NUP155: variants seen among roughly 807,000 people sequenced by gnomAD.
The protein encoded by NUP155 is nuclear pore complex protein Nup155.
A neutral mutation model predicts 180.4 loss-of-function variants in NUP155; 71 were observed. The ratio of observed to expected loss-of-function variants is 0.39; its 90% CI spans 0.33 to 0.48. The LOEUF (loss-of-function observed/expected upper bound fraction) is 0.48. Ranked by LOEUF, NUP155 falls within the 20% of genes least tolerant of loss-of-function variation. The pLI, the probability that NUP155 is intolerant of heterozygous loss-of-function variation, is 0.91. For missense variants in NUP155, 1,553 were observed against 1,648.9 expected (o/e 0.94, Z 1.01); for synonymous variants, 582 against 559.5 (o/e 1.04, Z -0.57).
rs559461870 is a variant in NUP155 at position 37,359,607 on chromosome 5, C to T, written c.393-1456G>A. Among the ~76,000 whole-genome samples, 11 of 152,280 alleles carry T rather than the reference C, an allele frequency of 7.2e-5. 1 individual carries two copies. The highest frequency in any genetic ancestry group is 1.7e-4 in the African/African-American group (7 of 41,570). ...TGCTATACCTTAGCCAAGGAAAAGACATGCCCATTTCTAAGAATAAATACC... is the reference window on the plus strand; with the variant it reads ...TGCTATACCTTAGCCAAGGAAAAGATATGCCCATTTCTAAGAATAAATACC... On this transcript the variant is annotated intron_variant, in intron 3 of 34. Coordinates refer to ENST00000231498, the MANE Select transcript of NUP155 (RefSeq NM_153485.3).
In NUP155 at chr5:37,328,396, G is replaced by A; in HGVS notation, c.1838C>T (p.Pro613Leu). 1.2e-6 allele frequency: 2 copies of A among 1,608,312 alleles called. No individual in the cohort carries two copies. Among genetic ancestry groups the A allele is most frequent in the Non-Finnish European group, 1.7e-6 (2 of 1,174,852 alleles). The change falls in exon 17 of 35, where the codon CCC becomes CTC. Residue 613 changes from proline (P) to leucine (L), a missense_variant. Coordinates refer to ENST00000231498, the MANE Select transcript of NUP155 (RefSeq NM_153485.3). ...TCCCAAAAAGGATGGATTTGGATAG[G>A]GACTACCACTAGGAACAGGAGAACC... ...YSSSPVPSGSPYPNPSFLGTP... is the reference protein window; with the variant it reads ...YSSSPVPSGSLYPNPSFLGTP...
rs1388942037 is a variant in NUP155, at chr5:37,291,929, G to C, written c.4147C>G (p.Leu1383Val). ...VQAITGNFKS[L>V]QAKLERLH ...TGAAGCCGTTCTAATTTAGCTTGAA[G>C]AGATTTAAAATTCCCAGTGATGGCT... Residue 1383 changes from leucine to valine, a missense_variant, in exon 35 of 35, where the codon CTT becomes GTT. Transcript: ENST00000231498. 6.2e-7 allele frequency: 1 copy of C among 1,614,086 alleles called. No homozygotes were observed. The highest frequency in any genetic ancestry group is 8.5e-7 in the Non-Finnish European group (1 of 1,179,978).
chr5:37,360,359 C>T (rs1407529433), intron 3 of NUP155, among the ~76,000 whole-genome samples: 1 of 151,954 alleles, frequency 6.6e-6, no homozygotes, highest in Non-Finnish European at 1.5e-5. Flanking sequence ...GTGGCACACG[C>T]TTGTATTCCC....
In NUP155 at chr5:37,289,914, A is replaced by C. The variant is rs1389602689; in HGVS notation, c.*1986T>G. 4 of 152,182 alleles carry C rather than the reference A, an allele frequency of 2.6e-5. No individual in the cohort carries two copies. The highest frequency in any genetic ancestry group is 9.7e-5 in the African/African-American group (4 of 41,432). The allele number at this position is 152,182 out of a possible 1,614,324, so 9.4% of individuals were successfully genotyped here. On this transcript the variant is annotated 3_prime_UTR_variant, in exon 35 of 35. Transcript: ENST00000231498. ...TACATTCACTTTACATATTCAAAAA[A>C]CGCTAAACTTAAGAAACTGAAAAGT... is the stretch of plus-strand genomic sequence containing the variant.
chr5:37,292,497 G>A lies in NUP155; in HGVS notation c.4037+382C>T, dbSNP rs554578029. 1.2e-4 allele frequency among the ~76,000 whole-genome samples: 18 copies of A among 152,156 alleles called. No individual in the cohort carries two copies. The South Asian group carries it at 3.7e-3, about 32-fold the overall frequency. On this transcript the variant is annotated intron_variant, in intron 34 of 34. Coordinates refer to ENST00000231498, the MANE Select transcript of NUP155 (RefSeq NM_153485.3). ...CCCAAAGTGCTGGGATTACAGGTGTGAGCCACCACGCCTGGCCTGAAGATT... is the reference window on the plus strand; with the variant it reads ...CCCAAAGTGCTGGGATTACAGGTGTAAGCCACCACGCCTGGCCTGAAGATT...
At chr5:37,336,203 G>C (rs1356370854) in intron 12 of NUP155, among the ~76,000 whole-genome samples, 1 of 152,118 alleles carries the variant, frequency 6.6e-6, no homozygotes, top group Non-Finnish European at 1.5e-5. Context: ...AAGTTAGGTG[G>C]AGGACAGTGT....
At chr5:37,361,590 G>A (rs1747229232) in intron 3 of NUP155, among the ~76,000 whole-genome samples, 1 of 152,100 alleles carries the variant, frequency 6.6e-6, no homozygotes, top group Non-Finnish European at 1.5e-5. Context: ...TTGGAACTAC[G>A]ATCCAATGCT....
intron 11 of NUP155, among the ~76,000 whole-genome samples, chr5:37,338,566 C>A (rs1021055394): frequency 6.6e-6 from 1 of 151,904 alleles, no homozygotes; most frequent in African/African-American, 2.4e-5. Context: ...CCACCACGCC[C>A]GACTAATTTT....
intron 1 of NUP155, among the ~76,000 whole-genome samples, chr5:37,365,289 T>C (rs1343673138): frequency 6.9e-6 from 1 of 144,496 alleles, no homozygotes; most frequent in Non-Finnish European, 1.6e-5. Flanking sequence ...ATAAACAAAA[T>C]GAAAGCATGT....
intron 19 of NUP155, among the ~76,000 whole-genome samples, chr5:37,324,966 A>C (rs1000635092): frequency 1.3e-5 from 2 of 152,202 alleles, no homozygotes; most frequent in Non-Finnish European, 2.9e-5. Flanking sequence ...CCTGGCTAAC[A>C]TAGTAAAACA....
chr5:37,293,566 G>A (rs1020145420), intron 33 of NUP155, among the ~76,000 whole-genome samples: 3 of 152,104 alleles, frequency 2.0e-5, no homozygotes, highest in Admixed American at 6.5e-5. Flanking sequence ...GTTTTTATTT[G>A]GATCTTTTAT....
chr5:37,363,074 G>T (rs1747324114), intron 3 of NUP155, among the ~76,000 whole-genome samples: 1 of 152,188 alleles, frequency 6.6e-6, no homozygotes, highest in African/African-American at 2.4e-5. Context: ...ACCACACTTG[G>T]CTAATTTTTG....
At chr5:37,292,072 T>G (rs759162162) in intron 34 of NUP155, 34 bp from the exon 35 acceptor site, 1 of 1,609,094 alleles carries the variant, frequency 6.2e-7, no homozygotes, top group Non-Finnish European at 8.5e-7. Flanking sequence ...TAATTATACA[T>G]TTACAAACAT....
intron 4 of NUP155, among the ~76,000 whole-genome samples, chr5:37,355,210 C>T: frequency 6.6e-6 from 1 of 151,954 alleles, no homozygotes; most frequent in East Asian, 1.9e-4. Flanking sequence ...TTATTTCCTC[C>T]TATAAAAAGG....
At chr5:37,364,416 T>C (rs909652591) in intron 1 of NUP155, 32 bp from the exon 2 acceptor site, 11 of 1,601,484 alleles carry the variant, frequency 6.9e-6, no homozygotes, top group South Asian at 4.4e-5. Context: ...TTTATAATAA[T>C]GTACTGCTCA....
rs1202736764 is a variant in NUP155 at position 37,342,644 on chromosome 5, G to A, written c.998C>T (p.Thr333Ile). The stretch of plus-strand genomic sequence containing the variant: ...TGGTTTAAAAACAGAACGATCGATG[G>A]TCCTAAAAGAAAGGAGAAAATAAAG... Reference protein sequence around the residue: ...IVSAAGNIARTIDRSVFKPIV... With the variant: ...IVSAAGNIARIIDRSVFKPIV... Residue 333 changes from threonine (T) to isoleucine (I), a missense_variant and splice_region_variant, in exon 10 of 35, where the codon ACC (threonine) becomes ATC (isoleucine). Thr to Ile is a moderately conservative substitution (Grantham distance 89). Transcript: ENST00000231498. 6.3e-7 allele frequency: 1 copy of A among 1,593,338 alleles called. No individual in the cohort carries two copies. The highest frequency in any genetic ancestry group is 1.3e-5 in the African/African-American group (1 of 74,608).
At chr5:37,338,491 C>T (rs1181500925) in intron 11 of NUP155, among the ~76,000 whole-genome samples, 1 of 150,320 alleles carries the variant, frequency 6.7e-6, no homozygotes, top group African/African-American at 2.4e-5. Context: ...ACTGCAAGCT[C>T]CGCCTCCTGG....
In NUP155 at chr5:37,298,995, T is replaced by C; in HGVS notation, c.3683-17A>G. ...CACTCAATTCTGTAACAAAAAGACATGTCATTTGAAACCCAAATTACTTTT... is the reference window on the plus strand; with the variant it reads ...CACTCAATTCTGTAACAAAAAGACACGTCATTTGAAACCCAAATTACTTTT... On this transcript the variant is annotated splice_polypyrimidine_tract_variant and intron_variant, in intron 31 of 34. Coordinates refer to ENST00000231498, the MANE Select transcript of NUP155 (RefSeq NM_153485.3). 1.4e-6 allele frequency: 2 copies of C among 1,450,732 alleles called. No homozygotes were observed. Among genetic ancestry groups the C allele is most frequent in the Non-Finnish European group, 1.9e-6 (2 of 1,031,604 alleles). The allele number at this position is 1,450,732 out of a possible 1,614,324, so 89.9% of individuals were successfully genotyped here.
rs374826653 is a variant in NUP155 at position 37,324,212 on chromosome 5, G to A, written c.2092-105C>T. 24 of 753,290 alleles carry A rather than the reference G, an allele frequency of 3.2e-5. No individual in the cohort carries two copies. The Admixed American group carries it at 3.7e-4, about 12-fold the overall frequency. The allele number at this position is 753,290 out of a possible 1,614,324, so 46.7% of individuals were successfully genotyped here. On this transcript the variant is annotated intron_variant, in intron 19 of 34. Transcript: ENST00000231498. ...ATGAGTATCTCTATAGTTATTTCTT[G>A]TATCAATTCACACCTGTTGATCCGA... is the stretch of plus-strand genomic sequence containing the variant.
Sources: allele counts gnomAD v4.1 joint callset (sites outside exome capture counted in the v4.1 genomes callset), GRCh38; gene constraint gnomAD v4.1.1; transcripts MANE v1.5; gene names NCBI Gene and HGNC (gene_info 2026-07-23, HGNC 2026-07-21).